The following ELOVL5 variants were observed in gnomAD, a reference collection of about 807,000 sequenced individuals.
ELOVL5 encodes ELOVL fatty acid elongase 5.
ELOVL5 carries 8 observed loss-of-function variants against 38.6 expected under a neutral mutation model. That is an observed-to-expected ratio of 0.21 (90% CI 0.12 to 0.37). The LOEUF (loss-of-function observed/expected upper bound fraction) is 0.37, where lower values mean the gene tolerates loss of function less well. Among genes scored for constraint, ELOVL5 ranks in the 10% least tolerant of loss-of-function variants. The pLI is 1.00. For synonymous variants in ELOVL5, 127 were observed against 133.7 expected, an observed-to-expected ratio of 0.95 and a Z score of 0.34; for missense variants, 280 against 367.8, an observed-to-expected ratio of 0.76 and a Z score of 1.95.
Position 53,275,354 on chromosome 6 carries a change from T to C in ELOVL5, c.325-93A>G, listed in dbSNP as rs75117075. 1,119 of 1,369,208 alleles carry C rather than the reference T, an allele frequency of 8.2e-4. 9 individuals carry two copies. In the African/African-American group the frequency reaches 0.015, roughly 18 times the overall value. The allele number at this position is 1,369,208 out of a possible 1,614,324, so 84.8% of individuals were successfully genotyped here. A position where few individuals can be genotyped will look rare whatever the true frequency, so the allele number is the denominator to read the frequency against. Reference sequence around the variant, plus strand: ...GTTTCACTAATATCCAAAAATCTGATGTCAACTCGGAGAAGCCCGAGTGCC... The same window carrying C: ...GTTTCACTAATATCCAAAAATCTGACGTCAACTCGGAGAAGCCCGAGTGCC... On this transcript the variant is annotated intron_variant, in intron 4 of 7. Transcript: ENST00000304434.
intron 1 of ELOVL5, among the ~76,000 whole-genome samples, chr6:53,348,022 G>GC (rs35065809): frequency 0.41 from 59,655 of 146,620 alleles, 13,876 homozygotes; most frequent in East Asian, 0.57. Context: ...GAGCACAACC[G>GC]CCCCCCCGCC....
chr6:53,277,344 G>A (rs1200800167), intron 3 of ELOVL5, among the ~76,000 whole-genome samples: 2 of 152,018 alleles, frequency 1.3e-5, no homozygotes, highest in African/African-American at 4.8e-5. Context: ...ACATAAAAAA[G>A]CACTGAGAGT....
intron 1 of ELOVL5, among the ~76,000 whole-genome samples, chr6:53,348,547 C>A (rs755739169): frequency 6.6e-6 from 1 of 152,198 alleles, no homozygotes; most frequent in Non-Finnish European, 1.5e-5. Flanking sequence ...AGAACGCTCC[C>A]GAGCGCCCTG....
chr6:53,346,428 A>C (rs1043210444), intron 1 of ELOVL5, among the ~76,000 whole-genome samples: 29 of 152,238 alleles, frequency 1.9e-4, no homozygotes, highest in Middle Eastern at 6.8e-3. Flanking sequence ...TGGGGGATAA[A>C]ACCTCACAGA....
At chr6:53,286,444 TCC>T (rs1278786017) in intron 3 of ELOVL5, among the ~76,000 whole-genome samples, 1 of 152,046 alleles carries the variant, frequency 6.6e-6, no homozygotes, top group Admixed American at 6.5e-5. Context: ...ATGCCTGTAG[TCC>T]CAGCTACTCA....
chr6:53,322,298 T>G (rs1561886625), intron 1 of ELOVL5, among the ~76,000 whole-genome samples: 1 of 152,218 alleles, frequency 6.6e-6, no homozygotes. Context: ...GAACTTGAAG[T>G]AAGAAGACTC....
chr6:53,276,473 G>A (rs190177962), intron 3 of ELOVL5, among the ~76,000 whole-genome samples: 3 of 152,158 alleles, frequency 2.0e-5, no homozygotes, highest in Admixed American at 2.0e-4. Flanking sequence ...GTCACTCCCA[G>A]GCTGCTGCCC....
At chr6:53,334,642 G>A (rs1454195130) in intron 1 of ELOVL5, among the ~76,000 whole-genome samples, 1 of 152,032 alleles carries the variant, frequency 6.6e-6, no homozygotes. Context: ...ACCCAATCCT[G>A]CATCCCCAAT....
At chr6:53,328,065 G>A (rs534058053) in intron 1 of ELOVL5, among the ~76,000 whole-genome samples, 20 of 152,016 alleles carry the variant, frequency 1.3e-4, no homozygotes, top group Admixed American at 2.0e-4. Context: ...AAAACCTACC[G>A]GCTACCACAC....
chr6:53,328,055 A>G (rs1231274527), intron 1 of ELOVL5, among the ~76,000 whole-genome samples: 2 of 152,160 alleles, frequency 1.3e-5, no homozygotes, highest in Admixed American at 6.6e-5. Context: ...CAGATAGTAA[A>G]AAACCTACCG....
At chr6:53,310,158 C>T (rs1424418558) in intron 1 of ELOVL5, among the ~76,000 whole-genome samples, 4 of 152,162 alleles carry the variant, frequency 2.6e-5, no homozygotes, top group Admixed American at 6.6e-5. Flanking sequence ...AATATAAACC[C>T]TCCCCCTCGA....
intron 1 of ELOVL5, among the ~76,000 whole-genome samples, chr6:53,335,714 G>A (rs1769033897): frequency 6.6e-6 from 1 of 152,168 alleles, no homozygotes; most frequent in South Asian, 2.1e-4. Context: ...AACAGTAGCA[G>A]TACTTTTAGC....
intron 1 of ELOVL5, among the ~76,000 whole-genome samples, chr6:53,296,919 A>G (rs1308149291): frequency 6.6e-6 from 1 of 152,250 alleles, no homozygotes; most frequent in Non-Finnish European, 1.5e-5. Context: ...AGCGTTATGT[A>G]TTCACTGGCT....
chr6:53,287,842 G>A, intron 3 of ELOVL5: 1 of 1,532,808 alleles, frequency 6.5e-7, no homozygotes, highest in Non-Finnish European at 8.7e-7. Flanking sequence ...TCAAAGCCAT[G>A]TGCACTGCAC....
chr6:53,344,992 T>G (rs1769478514), intron 1 of ELOVL5, among the ~76,000 whole-genome samples: 1 of 152,228 alleles, frequency 6.6e-6, no homozygotes, highest in South Asian at 2.1e-4. Flanking sequence ...TGACTTCCTG[T>G]GTTCTGCAGG....
intron 1 of ELOVL5, among the ~76,000 whole-genome samples, chr6:53,318,665 A>T (rs566159217): frequency 8.5e-5 from 13 of 152,112 alleles, no homozygotes; most frequent in Admixed American, 2.0e-4. Context: ...GCTTGAGCCC[A>T]GGCGGTGCTG....
chr6:53,333,528 C>T (rs552311083), intron 1 of ELOVL5, among the ~76,000 whole-genome samples: 26 of 152,222 alleles, frequency 1.7e-4, no homozygotes, highest in Admixed American at 4.6e-4. Flanking sequence ...TCGTGCTGCA[C>T]TCAGTTTATG....
intron 1 of ELOVL5, among the ~76,000 whole-genome samples, chr6:53,325,080 ACT>A (rs1326403496): frequency 1.3e-5 from 2 of 152,064 alleles, no homozygotes; most frequent in South Asian, 2.1e-4. Context: ...GGTCTCCCTG[ACT>A]CTGCCCAACA....
intron 1 of ELOVL5, among the ~76,000 whole-genome samples, chr6:53,317,313 T>C (rs1768090823): frequency 6.6e-6 from 1 of 152,216 alleles, no homozygotes; most frequent in Non-Finnish European, 1.5e-5. Flanking sequence ...AATCCAGTTA[T>C]AAATCATGCT....
Sources: allele counts gnomAD v4.1 joint callset (sites outside exome capture counted in the v4.1 genomes callset), GRCh38; gene constraint gnomAD v4.1.1; transcripts MANE v1.5; gene names NCBI Gene and HGNC (gene_info 2026-07-23, HGNC 2026-07-21).